The following PPP2R2B variants were observed in gnomAD, a reference collection of about 807,000 sequenced individuals.
PPP2R2B encodes serine/threonine-protein phosphatase 2A 55 kDa regulatory subunit B beta isoform.
Under a neutral mutation model 46.0 loss-of-function variants are expected in PPP2R2B, and 5 were observed. The ratio of observed to expected loss-of-function variants is 0.11; its 90% CI spans 0.06 to 0.23. The LOEUF is 0.23. PPP2R2B is among the 10% of genes least tolerant of loss of function. The pLI, the probability that PPP2R2B is intolerant of heterozygous loss-of-function variation, is 1.00. For synonymous variants in PPP2R2B, 215 were observed against 206.7 expected (o/e 1.04, Z -0.34); for missense variants, 367 against 575.0 (o/e 0.64, Z 3.70).
chr5:147,064,985 A>T (rs1168772932), intron 2 of PPP2R2B, among the ~76,000 whole-genome samples: 1 of 152,176 alleles, frequency 6.6e-6, no homozygotes, highest in African/African-American at 2.4e-5. Context: ...TTAATCATGC[A>T]TTTATTCAAT....
chr5:146,793,296 G>A (rs1172748911), intron 2 of PPP2R2B, among the ~76,000 whole-genome samples: 7 of 152,130 alleles, frequency 4.6e-5, no homozygotes, highest in Admixed American at 3.3e-4. Flanking sequence ...TTAAGTCTGC[G>A]ATATTTTATT....
chr5:146,810,076 G>A (rs1225583217), intron 2 of PPP2R2B, among the ~76,000 whole-genome samples: 1 of 152,192 alleles, frequency 6.6e-6, no homozygotes, highest in Non-Finnish European at 1.5e-5. Context: ...CTGTGTGCCA[G>A]AACTGGTTTT....
intron 2 of PPP2R2B, among the ~76,000 whole-genome samples, chr5:147,061,812 C>T (rs764132598): frequency 1.4e-4 from 21 of 152,072 alleles, no homozygotes; most frequent in South Asian, 2.1e-4. Flanking sequence ...TTAAAAAGAA[C>T]GAAAGAAGGA....
chr5:146,910,488 G>A (rs1359800428), intron 1 of PPP2R2B, among the ~76,000 whole-genome samples: 1 of 152,144 alleles, frequency 6.6e-6, no homozygotes, highest in South Asian at 2.1e-4. Flanking sequence ...CTTAAATTTT[G>A]TGCCATATGA....
exon 2 of PPP2R2B, chr5:147,081,115 T>C: frequency 6.5e-7 from 1 of 1,535,672 alleles, no homozygotes. Flanking sequence ...CCATAGTGTG[T>C]CCTGGGTGAG....
intron 2 of PPP2R2B, among the ~76,000 whole-genome samples, chr5:146,812,793 G>GTA (rs1201054676): frequency 0.014 from 167 of 12,102 alleles, 14 homozygotes; most frequent in South Asian, 0.038. Flanking sequence ...GTATATGTGT[G>GTA]TATATATATA....
At position 146,965,888 on chromosome 5, in the gene PPP2R2B, C is replaced by T. The variant is rs145679571; in HGVS notation, c.79+89777G>A. ...CTGTGCATCCAGGCAAAGTGTTACT[C>T]GCTGATCCTCAGATCCTTCATCTAT... On this transcript the variant is annotated intron_variant, in intron 1 of 8. Coordinates refer to the PPP2R2B transcript ENST00000336640. 1.1e-4 allele frequency among the ~76,000 whole-genome samples: 16 copies of T among 152,294 alleles called. 1 individual carries two copies. Among genetic ancestry groups the T allele is most frequent in the African/African-American group, 3.6e-4 (15 of 41,552 alleles).
intron 1 of PPP2R2B, among the ~76,000 whole-genome samples, chr5:146,940,170 C>G (rs2061417): frequency 0.012 from 1,787 of 152,270 alleles, 53 homozygotes; most frequent in Admixed American, 0.052. Flanking sequence ...TCATTTTCTT[C>G]TTTCTCTGGA....
intron 1 of PPP2R2B, among the ~76,000 whole-genome samples, chr5:146,990,553 T>G (rs1192462878): frequency 6.6e-6 from 1 of 152,070 alleles, no homozygotes; most frequent in Non-Finnish European, 1.5e-5. Context: ...TTTTTCACTA[T>G]AAACAAAAAT....
intron 2 of PPP2R2B, among the ~76,000 whole-genome samples, chr5:146,784,494 A>G (rs1755721527): frequency 1.3e-5 from 2 of 152,160 alleles, no homozygotes; most frequent in Non-Finnish European, 2.9e-5. Context: ...CTACAATCTT[A>G]TTTATCCTAT....
chr5:147,008,711 C>T (rs1202870968), intron 1 of PPP2R2B, among the ~76,000 whole-genome samples: 1 of 152,176 alleles, frequency 6.6e-6, no homozygotes, highest in East Asian at 1.9e-4. Context: ...ACAGAGGAGT[C>T]AGCCTCATTT....
intron 8 of PPP2R2B, among the ~76,000 whole-genome samples, chr5:146,599,560 G>A (rs528981668): frequency 5.9e-5 from 9 of 152,178 alleles, no homozygotes; most frequent in Non-Finnish European, 1.2e-4. Flanking sequence ...CTATCTCCAG[G>A]CTCATCCTTC....
At chr5:146,864,631 G>A (rs994892198) in intron 2 of PPP2R2B, among the ~76,000 whole-genome samples, 2 of 152,088 alleles carry the variant, frequency 1.3e-5, no homozygotes, top group Non-Finnish European at 2.9e-5. Context: ...AATATAGGTG[G>A]GCAACTGAAT....
intron 2 of PPP2R2B, among the ~76,000 whole-genome samples, chr5:146,817,532 T>G (rs1758001623): frequency 6.6e-6 from 1 of 152,098 alleles, no homozygotes; most frequent in South Asian, 2.1e-4. Context: ...CTCACACAAT[T>G]TTTTTTTATT....
In PPP2R2B at chr5:146,878,491, A is replaced by C. The variant is rs1016158303; in HGVS notation, c.-125+100T>G. 7.5e-7 allele frequency: 1 copy of C among 1,335,128 alleles called. No homozygotes were observed. The highest frequency in any genetic ancestry group is 1.5e-5 in the African/African-American group (1 of 67,332). The allele number at this position is 1,335,128 out of a possible 1,614,324, so 82.7% of individuals were successfully genotyped here. Reference sequence around the variant, plus strand: ...GCAGCCGCTCCAAAATGCAAAAAAGATCCCTCCTCCCCCTGGGAGAGCGGG... The same window carrying C: ...GCAGCCGCTCCAAAATGCAAAAAAGCTCCCTCCTCCCCCTGGGAGAGCGGG... On this transcript the variant is annotated intron_variant, in intron 1 of 9. Coordinates refer to ENST00000394411, the MANE Select transcript of PPP2R2B (RefSeq NM_181675.4). The surrounding 1 kb of genome is among the most constrained non-coding windows in gnomAD (Gnocchi z 4.5).
At position 146,714,600 on chromosome 5, in the gene PPP2R2B, C is replaced by T. The variant is rs925828175; in HGVS notation, c.71-13458G>A. Reference sequence around the variant, plus strand: ...GAACAGGCCAGGAATGAGGACTGGTCGCCACTAACATTTGAAATAAAATCT... The same window carrying T: ...GAACAGGCCAGGAATGAGGACTGGTTGCCACTAACATTTGAAATAAAATCT... On this transcript the variant is annotated intron_variant, in intron 2 of 9. Coordinates refer to ENST00000394411, the MANE Select transcript of PPP2R2B (RefSeq NM_181675.4). 5.3e-5 allele frequency among the ~76,000 whole-genome samples: 8 copies of T among 152,082 alleles called. 1 individual carries two copies. Among genetic ancestry groups the T allele is most frequent in the East Asian group, 1.9e-4 (1 of 5,190 alleles).
At chr5:146,801,550 TCAC>T (rs1178747868) in intron 2 of PPP2R2B, among the ~76,000 whole-genome samples, 3 of 152,180 alleles carry the variant, frequency 2.0e-5, no homozygotes, top group Non-Finnish European at 4.4e-5. Flanking sequence ...GATGGGGAAA[TCAC>T]CATCAGTAAA....
chr5:146,810,299 G>T (rs1031348963), intron 2 of PPP2R2B, among the ~76,000 whole-genome samples: 1 of 152,176 alleles, frequency 6.6e-6, no homozygotes, highest in Non-Finnish European at 1.5e-5. Flanking sequence ...TGAAAGTCAC[G>T]TCTCATATGG....
At position 147,077,273 on chromosome 5, in the gene PPP2R2B, TATACACACACACACACAC is replaced by T. The variant is rs1263222955; in HGVS notation, c.50+3768_50+3785del. 7.3e-5 allele frequency among the ~76,000 whole-genome samples: 7 copies of T among 96,316 alleles called. No homozygotes were observed. In the East Asian group the frequency reaches 1.6e-3, roughly 21 times the overall value. 63.2% of individuals were successfully genotyped at this position (96,316 alleles called of 152,430 possible). A position where few individuals can be genotyped will look rare whatever the true frequency, so the allele number is the denominator to read the frequency against. On this transcript the variant is annotated intron_variant, in intron 2 of 10. Coordinates refer to the PPP2R2B transcript ENST00000394413. ...TACGTTATACATATATGTATGTGTG[TATACACACACACACACAC>T]ACACACACACACACACACACCCACA...
Sources: gnomAD v4.1 joint callset for allele counts (sites outside exome capture counted in the v4.1 genomes callset) on GRCh38, gnomAD v4.1.1 for gene constraint, Gnocchi (gnomAD v3.1) non-coding constraint, MANE v1.5 for transcripts, NCBI Gene and HGNC (gene_info 2026-07-23, HGNC 2026-07-21) for gene names.